Variants in IL1R1 observed in about 807,000 individuals in gnomAD.
IL1R1 encodes the protein interleukin 1 receptor type 1, also known as interleukin-1 receptor type 1.
In IL1R1, 22 loss-of-function variants were observed where a neutral mutation model predicts 50.2. The ratio of observed to expected loss-of-function variants is 0.44; its 90% CI spans 0.31 to 0.63. The LOEUF (loss-of-function observed/expected upper bound fraction) is 0.63. IL1R1 is among the 20% of genes least tolerant of loss of function. The pLI is 0.07. For missense variants in IL1R1, 509 were observed against 676.2 expected (o/e 0.75, Z 2.74); for synonymous variants, 251 against 236.7 (o/e 1.06, Z -0.55).
chr2:102,152,430 G>A (rs766934484), intron 1 of IL1R1, among the ~76,000 whole-genome samples: 33 of 147,482 alleles, frequency 2.2e-4, no homozygotes, highest in Non-Finnish European at 3.9e-4. Context: ...GCCTGGATGC[G>A]GGAGGCAGAG....
At chr2:102,144,616 C>T (rs1394823363) in intron 1 of IL1R1, among the ~76,000 whole-genome samples, 3 of 152,114 alleles carry the variant, frequency 2.0e-5, no homozygotes, top group East Asian at 3.8e-4. Flanking sequence ...GGGGAGACAG[C>T]GGTGAATACG....
At chr2:102,129,224 C>T (rs1681893076) in intron 1 of IL1R1, among the ~76,000 whole-genome samples, 1 of 150,560 alleles carries the variant, frequency 6.6e-6, no homozygotes, top group East Asian at 2.0e-4. Context: ...AACAAACAAA[C>T]AAAAGAAATC....
chr2:102,132,963 C>G (rs1682119167), intron 1 of IL1R1, among the ~76,000 whole-genome samples: 1 of 152,028 alleles, frequency 6.6e-6, no homozygotes, highest in African/African-American at 2.4e-5. Context: ...AAAATCTTCC[C>G]ACAAGGCGCA....
At position 102,166,400 on chromosome 2, in the gene IL1R1, CA is replaced by C. The variant is rs545608225; in HGVS notation, c.655+123del. 411 of 651,438 alleles carry C rather than the reference CA, an allele frequency of 6.3e-4. 2 individuals carry two copies. Among genetic ancestry groups the C allele is most frequent in the Non-Finnish European group, 9.1e-5 (37 of 406,932 alleles). The allele number at this position is 651,438 out of a possible 1,614,324, so 40.4% of individuals were successfully genotyped here. On this transcript the variant is annotated intron_variant, in intron 6 of 11. Transcript: ENST00000410023. The stretch of plus-strand genomic sequence containing the variant: ...ATCCAAGACGACCTCAATGATACCA[CA>C]AAAGTCACATGGCTTTAGTTTTGTT...
intron 2 of IL1R1, 111 bp from the exon 3 acceptor site, chr2:102,157,608 C>G (rs1319165404): frequency 1.4e-6 from 1 of 705,632 alleles, no homozygotes. Context: ...ATCAGTGTGA[C>G]TTGTGGGTGA....
intron 1 of IL1R1, among the ~76,000 whole-genome samples, chr2:102,081,200 A>G (rs748361180): frequency 6.6e-6 from 1 of 152,152 alleles, no homozygotes; most frequent in Non-Finnish European, 1.5e-5. Context: ...TAAAAGGGTA[A>G]TTTTATGCTG....
intron 1 of IL1R1, among the ~76,000 whole-genome samples, chr2:102,083,099 A>T (rs1471554622): frequency 6.6e-6 from 1 of 152,180 alleles, no homozygotes; most frequent in Non-Finnish European, 1.5e-5. Flanking sequence ...GATGCTCCGC[A>T]TGAAGGGATT....
chr2:102,077,307 G>A (rs1475323492), intron 1 of IL1R1, among the ~76,000 whole-genome samples: 1 of 152,140 alleles, frequency 6.6e-6, no homozygotes, highest in Non-Finnish European at 1.5e-5. Flanking sequence ...CTGACCTCAG[G>A]TGATCCACCC....
chr2:102,083,943 C>CA (rs35546919), intron 1 of IL1R1, among the ~76,000 whole-genome samples: 70 of 146,148 alleles, frequency 4.8e-4, no homozygotes, highest in East Asian at 8.0e-4. Context: ...GACTCCGCCT[C>CA]AAAAAAAAAA....
chr2:102,137,180 C>G (rs1175876193), intron 1 of IL1R1, among the ~76,000 whole-genome samples: 1 of 152,104 alleles, frequency 6.6e-6, no homozygotes, highest in African/African-American at 2.4e-5. Flanking sequence ...TCTGAGACAC[C>G]TTGCATGCTA....
At chr2:102,081,645 C>T (rs1032462710) in intron 1 of IL1R1, among the ~76,000 whole-genome samples, 6 of 152,190 alleles carry the variant, frequency 3.9e-5, no homozygotes, top group Non-Finnish European at 7.4e-5. Context: ...AGGGGATTTG[C>T]CCCCACCCTG....
upstream of IL1R1, among the ~76,000 whole-genome samples, chr2:102,103,832 A>G (rs1261608483): frequency 2.0e-5 from 3 of 151,900 alleles, 1 homozygote; most frequent in Non-Finnish European, 2.9e-5. Context: ...CATCTCTACT[A>G]AAATTACAAA....
upstream of IL1R1, among the ~76,000 whole-genome samples, chr2:102,099,753 GC>G (rs1253745034): frequency 6.6e-6 from 1 of 152,188 alleles, no homozygotes; most frequent in Non-Finnish European, 1.5e-5. Context: ...CAAGACTCTG[GC>G]ATTTGTTTGG....
intron 3 of IL1R1, among the ~76,000 whole-genome samples, chr2:102,159,883 A>G (rs1194160417): frequency 6.6e-6 from 1 of 152,188 alleles, no homozygotes; most frequent in African/African-American, 2.4e-5. Context: ...AAGTCATTTA[A>G]GTTATAAAGC....
chr2:102,155,789 T>C (rs1684131440), intron 2 of IL1R1, among the ~76,000 whole-genome samples: 1 of 152,190 alleles, frequency 6.6e-6, no homozygotes, highest in Non-Finnish European at 1.5e-5. Flanking sequence ...CATCAGCTGG[T>C]TCATTGCCCC....
chr2:102,171,958 C>A (rs1330084698), intron 8 of IL1R1, 40 bp downstream of exon 8: 7 of 1,051,268 alleles, frequency 6.7e-6, no homozygotes, highest in African/African-American at 1.6e-5. Context: ...GGTGTTAAAT[C>A]CCACGTGATA....
intron 1 of IL1R1, among the ~76,000 whole-genome samples, chr2:102,094,981 T>G (rs1679837020): frequency 6.6e-6 from 1 of 152,060 alleles, no homozygotes; most frequent in Non-Finnish European, 1.5e-5. Flanking sequence ...TGAGAAAAAT[T>G]TTAGGATGGT....
At chr2:102,097,707 AAT>A (rs1295248074) in intron 1 of IL1R1, among the ~76,000 whole-genome samples, 1 of 152,064 alleles carries the variant, frequency 6.6e-6, no homozygotes, top group Admixed American at 6.5e-5. Flanking sequence ...AAAAAATCTG[AAT>A]AGTCTCATAT....
chr2:102,165,857 C>T (rs1211222571), intron 5 of IL1R1, among the ~76,000 whole-genome samples: 1 of 152,072 alleles, frequency 6.6e-6, no homozygotes, highest in East Asian at 1.9e-4. Context: ...TTTTTTCAAA[C>T]ATGTTTTTCT....
Sources: allele counts gnomAD v4.1 joint callset (sites outside exome capture counted in the v4.1 genomes callset), GRCh38; gene constraint gnomAD v4.1.1; transcripts MANE v1.5; gene names NCBI Gene and HGNC (gene_info 2026-07-23, HGNC 2026-07-21).